CECR2: variants seen among roughly 807,000 people sequenced by gnomAD.
CECR2 encodes chromatin remodeling regulator CECR2.
In CECR2, 30 loss-of-function variants were observed where a neutral mutation model predicts 154.5. The observed-to-expected ratio is 0.19, with a 90% CI of 0.15 to 0.26. The LOEUF (loss-of-function observed/expected upper bound fraction) is 0.26. Ranked by LOEUF, CECR2 falls within the 10% of genes least tolerant of loss-of-function variation. CECR2 has a pLI of 1.00. For synonymous variants in CECR2, 725 were observed against 683.7 expected (o/e 1.06, Z -0.94); for missense variants, 1,743 against 1,829.3 (o/e 0.95, Z 0.86).
Position 17,538,981 on chromosome 22 carries a change from T to C in CECR2, c.1369-12T>C, listed in dbSNP as rs2147016715. On this transcript the variant is annotated splice_polypyrimidine_tract_variant and intron_variant, in intron 12 of 18. Transcript: ENST00000262608. ...CATATTTTAACTATAAAGAGTTATG[T>C]GTCTCGTTTAGGCCCCCATGGATAT... The C allele has an allele frequency of 6.2e-7, 1 of 1,611,702 alleles. No individual in the cohort carries two copies. Among genetic ancestry groups the C allele is most frequent in the East Asian group, 2.2e-5 (1 of 44,860 alleles).
At chr22:17,523,798 A>G (rs1451304099) in intron 8 of CECR2, among the ~76,000 whole-genome samples, 2 of 151,560 alleles carry the variant, frequency 1.3e-5, no homozygotes, top group African/African-American at 4.8e-5. Context: ...TCCCTTTATC[A>G]GATGTTAACT....
chr22:17,387,841 C>T (rs1265997686), intron 1 of CECR2, among the ~76,000 whole-genome samples: 1 of 152,072 alleles, frequency 6.6e-6, no homozygotes, highest in African/African-American at 2.4e-5. Context: ...TCATGACAAC[C>T]AAGAACCAGA....
chr22:17,404,596 A>C (rs1055999639), intron 1 of CECR2, among the ~76,000 whole-genome samples: 1 of 131,642 alleles, frequency 7.6e-6, no homozygotes, highest in Non-Finnish European at 1.6e-5. Context: ...GATGGTCTCG[A>C]TCTCCTGACC....
upstream of CECR2, chr22:17,369,433 G>C (rs1217237146): frequency 1.2e-4 from 18 of 147,156 alleles, no homozygotes; most frequent in Non-Finnish European, 2.4e-4. Flanking sequence ...CCCAGGCCCC[G>C]CGTCCGGCCC....
At chr22:17,491,361 T>G (rs2055526533) in intron 2 of CECR2, among the ~76,000 whole-genome samples, 1 of 152,086 alleles carries the variant, frequency 6.6e-6, no homozygotes, top group South Asian at 2.1e-4. Flanking sequence ...CACTTGTTAC[T>G]GTGTGTTTTT....
At chr22:17,447,048 T>TTTTTTTTTTTTC (rs1569087798) in intron 1 of CECR2, among the ~76,000 whole-genome samples, 1 of 146,288 alleles carries the variant, frequency 6.8e-6, no homozygotes, top group Non-Finnish European at 1.5e-5. Context: ...TTTTTTTTTT[T>TTTTTTTTTTTTC]TTTTGAGACA....
In CECR2 at chr22:17,477,575, C is replaced by G. The variant is rs751861461; in HGVS notation, c.127-13C>G. 6.4e-7 allele frequency: 1 copy of G among 1,567,860 alleles called. No homozygotes were observed. The highest frequency in any genetic ancestry group is 1.7e-5 in the Admixed American group (1 of 59,976). On this transcript the variant is annotated splice_polypyrimidine_tract_variant and intron_variant, in intron 1 of 18. Transcript: ENST00000262608. ...CTGTTTGATTTCTCAACTTCCCTCT[C>G]TCCCTCCCTCAGGAGTTAGAAGCCG...
At chr22:17,505,534 C>CTTTT (rs11387639) in intron 7 of CECR2, among the ~76,000 whole-genome samples, 157 of 98,836 alleles carry the variant, frequency 1.6e-3, no homozygotes, top group African/African-American at 2.8e-3. Flanking sequence ...CCTCTTTTTC[C>CTTTT]TTTTTTTTTT....
chr22:17,385,803 C>T (rs770022311), intron 1 of CECR2, among the ~76,000 whole-genome samples: 11 of 152,094 alleles, frequency 7.2e-5, no homozygotes, highest in African/African-American at 1.7e-4. Context: ...CACAGTACAA[C>T]GAGGTGGGCC....
chr22:17,552,257 C>T (rs1031076211), intron 18 of CECR2, 115 bp downstream of exon 18: 11 of 903,678 alleles, frequency 1.2e-5, no homozygotes, highest in African/African-American at 1.2e-4. Flanking sequence ...GATACAGGAA[C>T]TTTGCCTGTA....
intron 1 of CECR2, among the ~76,000 whole-genome samples, chr22:17,471,517 ATTG>A (rs545804185): frequency 7.8e-4 from 118 of 151,148 alleles, no homozygotes; most frequent in African/African-American, 2.5e-3. Context: ...GGGGTTTTTT[ATTG>A]TTGTTGTTGT....
intron 1 of CECR2, among the ~76,000 whole-genome samples, chr22:17,472,055 C>T (rs1012301521): frequency 1.3e-5 from 2 of 152,120 alleles, no homozygotes; most frequent in East Asian, 1.9e-4. Flanking sequence ...TACTCAGCAT[C>T]GAGCCAGTGA....
chr22:17,370,730 G>C (rs905674371), intron 1 of CECR2, among the ~76,000 whole-genome samples: 6 of 152,182 alleles, frequency 3.9e-5, no homozygotes, highest in African/African-American at 1.4e-4. Flanking sequence ...CCTGGAGCGC[G>C]GCGGGTGGCG....
At chr22:17,494,375 C>T (rs2055584185) in intron 2 of CECR2, among the ~76,000 whole-genome samples, 1 of 151,942 alleles carries the variant, frequency 6.6e-6, no homozygotes, top group Admixed American at 6.6e-5. Context: ...TTCAAATTCA[C>T]CGTTACGACA....
At chr22:17,371,531 T>C (rs2063060698) in intron 1 of CECR2, among the ~76,000 whole-genome samples, 1 of 152,206 alleles carries the variant, frequency 6.6e-6, no homozygotes, top group Non-Finnish European at 1.5e-5. Flanking sequence ...TTGGGAATCC[T>C]AAAGGTCAAA....
At chr22:17,495,476 G>C (rs113363629) in intron 2 of CECR2, among the ~76,000 whole-genome samples, 257 of 151,674 alleles carry the variant, frequency 1.7e-3, no homozygotes, top group African/African-American at 5.9e-3. Flanking sequence ...GACTGAGGCA[G>C]GAGAATCACT....
intron 1 of CECR2, among the ~76,000 whole-genome samples, chr22:17,421,527 A>C (rs1385494119): frequency 7.0e-6 from 1 of 143,796 alleles, no homozygotes; most frequent in East Asian, 2.1e-4. Flanking sequence ...AGGCAGGAGA[A>C]TGGCGTGAAC....
rs561030935 is a variant in CECR2, at chr22:17,439,026, A to AGTAT, written c.127-38557_127-38554dup. Among the ~76,000 whole-genome samples the AGTAT allele has an allele frequency of 2.4e-4, 36 of 152,184 alleles. No individual in the cohort carries two copies. The South Asian group carries it at 7.5e-3, about 32-fold the overall frequency. ...CCTCATCTCTACACATTTTTTTTAA[A>AGTAT]GTATGTATATATAAAAGCAAGAAGA... On this transcript the variant is annotated intron_variant, in intron 1 of 18. Transcript: ENST00000262608.
intron 8 of CECR2, among the ~76,000 whole-genome samples, chr22:17,512,285 A>AAGAGGGT (rs923965520): frequency 1.3e-5 from 2 of 152,098 alleles, no homozygotes; most frequent in African/African-American, 4.8e-5. Context: ...AAGGGGAGCA[A>AAGAGGGT]AGAGGGTGGG....
Sources: allele counts gnomAD v4.1 joint callset (sites outside exome capture counted in the v4.1 genomes callset), GRCh38; gene constraint gnomAD v4.1.1; transcripts MANE v1.5; gene names NCBI Gene and HGNC (gene_info 2026-07-23, HGNC 2026-07-21).